SNTG1: variants seen among roughly 807,000 people sequenced by gnomAD.
SNTG1 encodes syntrophin gamma 1, also known as gamma-1-syntrophin.
SNTG1 carries 39 observed loss-of-function variants against 74.7 expected under a neutral mutation model. That is an observed-to-expected ratio of 0.52 (90% CI 0.40 to 0.68). The LOEUF (loss-of-function observed/expected upper bound fraction) is 0.68. Among genes scored for constraint, SNTG1 ranks in the 30% least tolerant of loss-of-function variants. The probability of loss-of-function intolerance (pLI) is 0.00; values close to 1 mark genes in which losing one functional copy is unlikely to be tolerated. For missense variants in SNTG1, 685 were observed against 609.5 expected (o/e 1.12, Z -1.30); for synonymous variants, 254 against 217.1 (o/e 1.17, Z -1.49).
intron 8 of SNTG1, among the ~76,000 whole-genome samples, chr8:50,469,625 T>G (rs1191678635): frequency 6.6e-6 from 1 of 152,176 alleles, no homozygotes; most frequent in Non-Finnish European, 1.5e-5. Context: ...CTTCTTTTCC[T>G]GCATTTTTCT....
intron 8 of SNTG1, among the ~76,000 whole-genome samples, chr8:50,496,160 A>G (rs2093902269): frequency 6.6e-6 from 1 of 152,200 alleles, no homozygotes; most frequent in Admixed American, 6.5e-5. Flanking sequence ...GATCCAGAAT[A>G]AGAAAATAAT....
chr8:50,509,917 C>T (rs990545500), intron 9 of SNTG1, among the ~76,000 whole-genome samples: 4 of 152,096 alleles, frequency 2.6e-5, no homozygotes, highest in African/African-American at 9.7e-5. Flanking sequence ...TTTCCTTCTC[C>T]TGCCTGATTG....
chr8:50,308,516 ACTCTT>A (rs1009417507), intron 2 of SNTG1, among the ~76,000 whole-genome samples: 1 of 151,572 alleles, frequency 6.6e-6, no homozygotes, highest in Non-Finnish European at 1.5e-5. Context: ...TGTATAAACC[ACTCTT>A]CTCATTTTCA....
At chr8:50,722,906 CAA>C (rs2095491252) in intron 17 of SNTG1, among the ~76,000 whole-genome samples, 1 of 152,048 alleles carries the variant, frequency 6.6e-6, no homozygotes, top group Admixed American at 6.6e-5. Flanking sequence ...CAAAAACAAA[CAA>C]GTTTTAATAA....
At chr8:50,521,105 T>C (rs1358516701) in intron 9 of SNTG1, among the ~76,000 whole-genome samples, 1 of 152,076 alleles carries the variant, frequency 6.6e-6, no homozygotes, top group Non-Finnish European at 1.5e-5. Context: ...AAAAATGAGT[T>C]CATGTTCTTT....
chr8:50,220,967 G>T (rs4873432), intron 2 of SNTG1, among the ~76,000 whole-genome samples: 64,186 of 152,068 alleles, frequency 0.42, 16,886 homozygotes, highest in African/African-American at 0.75. Flanking sequence ...TGTGGCTGCA[G>T]ATAGAACACT....
chr8:50,746,062 G>A (rs1245180403), intron 17 of SNTG1, among the ~76,000 whole-genome samples: 1 of 151,862 alleles, frequency 6.6e-6, no homozygotes, highest in Non-Finnish European at 1.5e-5. Flanking sequence ...AAAAGAAAAT[G>A]TGAATGTTCT....
chr8:50,102,663 G>C (rs906785850), intron 1 of SNTG1, among the ~76,000 whole-genome samples: 1 of 149,300 alleles, frequency 6.7e-6, no homozygotes, highest in Non-Finnish European at 1.5e-5. Context: ...GTAATGCCTA[G>C]GTTTTTTTCT....
intron 18 of SNTG1, among the ~76,000 whole-genome samples, chr8:50,789,820 A>G (rs1439285115): frequency 1.3e-5 from 2 of 151,928 alleles, no homozygotes; most frequent in Admixed American, 6.6e-5. Flanking sequence ...AAAATTTCCC[A>G]TGGTTTCCCA....
Position 50,794,882 on chromosome 8 carries a change from G to A in SNTG1, c.*2053G>A, listed in dbSNP as rs1050800668. ...TTAAAAATTGTGAAATTTTGTAAAC[G>A]TTCCATTTTAGAATTTAAAAAACCT... On this transcript the variant is annotated 3_prime_UTR_variant, in exon 19 of 19. Transcript: ENST00000642720. 27 of 151,908 alleles carry A rather than the reference G, an allele frequency of 1.8e-4. No individual in the cohort carries two copies. Among genetic ancestry groups the A allele is most frequent in the Middle Eastern group, 3.2e-3 (1 of 316 alleles). 9.4% of individuals were successfully genotyped at this position (151,908 alleles called of 1,614,324 possible).
At position 50,024,869 on chromosome 8, in the gene SNTG1, A is replaced by T. The variant is rs149903784; in HGVS notation, c.-103+112638A>T. On this transcript the variant is annotated intron_variant, in intron 1 of 18. Coordinates refer to ENST00000642720, the MANE Select transcript of SNTG1 (RefSeq NM_018967.5). ...TAGACAGCACAGATATGCTGGACAA[A>T]TGAATGATTCATGTCCCGTGGCAAG... 4.3e-3 allele frequency among the ~76,000 whole-genome samples: 648 copies of T among 152,254 alleles called. 6 individuals are homozygous for T. Among genetic ancestry groups the T allele is most frequent in the Non-Finnish European group, 7.4e-3 (506 of 68,014 alleles).
chr8:49,950,292 C>T (rs1809588990), intron 1 of SNTG1, among the ~76,000 whole-genome samples: 1 of 152,146 alleles, frequency 6.6e-6, no homozygotes, highest in Non-Finnish European at 1.5e-5. Flanking sequence ...GTTATCATCT[C>T]AAAGTCCCAT....
chr8:50,347,179 G>A (rs2091503868), intron 2 of SNTG1, among the ~76,000 whole-genome samples: 3 of 152,328 alleles, frequency 2.0e-5, no homozygotes, highest in Admixed American at 6.5e-5. Context: ...TGACTCTCTT[G>A]TTAGGAGCTA....
chr8:50,750,571 G>T (rs2095565027), intron 17 of SNTG1, among the ~76,000 whole-genome samples: 1 of 151,808 alleles, frequency 6.6e-6, no homozygotes, highest in South Asian at 2.1e-4. Flanking sequence ...TTAAGAAATT[G>T]TCACAGCCAC....
chr8:50,317,631 C>T (rs561627275), intron 2 of SNTG1, among the ~76,000 whole-genome samples: 63 of 152,216 alleles, frequency 4.1e-4, no homozygotes, highest in African/African-American at 1.5e-3. Flanking sequence ...GAGAGGAATC[C>T]TACCATAGGA....
chr8:50,112,985 G>C (rs1320641843), intron 1 of SNTG1, among the ~76,000 whole-genome samples: 1 of 152,060 alleles, frequency 6.6e-6, no homozygotes, highest in African/African-American at 2.4e-5. Context: ...ATGCTGTTTT[G>C]GTTACTGTAG....
At chr8:50,343,212 C>T (rs770090123) in intron 2 of SNTG1, among the ~76,000 whole-genome samples, 3 of 152,164 alleles carry the variant, frequency 2.0e-5, no homozygotes, top group Non-Finnish European at 4.4e-5. Flanking sequence ...TTCAAACCCA[C>T]ACTAAAAAGT....
intron 1 of SNTG1, among the ~76,000 whole-genome samples, chr8:50,145,558 G>A (rs1044360290): frequency 1.3e-5 from 2 of 152,104 alleles, no homozygotes; most frequent in African/African-American, 2.4e-5. Flanking sequence ...AAACTCTAGG[G>A]ATGAAGCCTG....
At chr8:50,731,725 C>T (rs2095513543) in intron 17 of SNTG1, among the ~76,000 whole-genome samples, 1 of 152,074 alleles carries the variant, frequency 6.6e-6, no homozygotes, top group African/African-American at 2.4e-5. Flanking sequence ...TCTGCTCATC[C>T]TTTTCATCAT....
Sources: allele counts gnomAD v4.1 joint callset (sites outside exome capture counted in the v4.1 genomes callset), GRCh38; gene constraint gnomAD v4.1.1; transcripts MANE v1.5; gene names NCBI Gene and HGNC (gene_info 2026-07-23, HGNC 2026-07-21).